WDR25: variants seen among roughly 807,000 people sequenced by gnomAD.
WDR25 encodes the protein WD repeat-containing protein 25.
In WDR25, 35 loss-of-function variants were observed where a neutral mutation model predicts 47.7. The observed-to-expected ratio is 0.73, with a 90% CI of 0.56 to 0.97. The LOEUF (loss-of-function observed/expected upper bound fraction) is 0.97. WDR25 is among the 50% of genes least tolerant of loss of function. The pLI is 0.00. For missense variants in WDR25, 634 were observed against 704.7 expected (o/e 0.90, Z 1.14); for synonymous variants, 248 against 278.9 (o/e 0.89, Z 1.10).
At chr14:100,447,887 A>G (rs1898889531) in intron 2 of WDR25, among the ~76,000 whole-genome samples, 1 of 152,124 alleles carries the variant, frequency 6.6e-6, no homozygotes. Context: ...GAAAGTGATG[A>G]GTAACTGCAC....
intron 2 of WDR25, among the ~76,000 whole-genome samples, chr14:100,460,139 G>A (rs1401483517): frequency 9.0e-5 from 13 of 144,164 alleles, no homozygotes; most frequent in Non-Finnish European, 1.8e-4. Context: ...TTGAGACGGA[G>A]TCTCGCTCTG....
intron 4 of WDR25, among the ~76,000 whole-genome samples, chr14:100,505,624 T>C (rs894851410): frequency 1.3e-5 from 2 of 152,232 alleles, no homozygotes; most frequent in Non-Finnish European, 2.9e-5. Context: ...TACAAAGATA[T>C]CTATTGGGTC....
Position 100,440,733 on chromosome 14 carries a change from T to C in WDR25, c.823-27288T>C, listed in dbSNP as rs986186728. On this transcript the variant is annotated intron_variant, in intron 2 of 6. Transcript: ENST00000402312. This position sits in a 1 kb window ranked among gnomAD's most constrained non-coding sequence, Gnocchi z 4.4. ...GCAGCAATTCTCAGGTCAGGATTAT[T>C]TGGGAGATCCATATTACTTCTGATT... Among the ~76,000 whole-genome samples the C allele has an allele frequency of 6.6e-6, 1 of 152,226 alleles. No individual in the cohort carries two copies. Among genetic ancestry groups the C allele is most frequent in the Non-Finnish European group, 1.5e-5 (1 of 68,030 alleles).
In WDR25 at chr14:100,484,172, C is replaced by T. The variant is rs575353076; in HGVS notation, c.1101+48C>T. 1.8e-4 allele frequency: 283 copies of T among 1,569,700 alleles called. 2 individuals carry two copies. The highest frequency in any genetic ancestry group is 1.6e-3 in the South Asian group (130 of 83,630). ...GGCCTTTCCACAGGAGAGCTTGTTT[C>T]GACAATTTGAATAATTGGGGGCAGG... is the stretch of plus-strand genomic sequence containing the variant. On this transcript the variant is annotated intron_variant, in intron 4 of 6. Coordinates refer to ENST00000402312, the MANE Select transcript of WDR25 (RefSeq NM_001161476.3).
intron 2 of WDR25, among the ~76,000 whole-genome samples, chr14:100,423,189 A>G (rs1898075265): frequency 6.6e-6 from 1 of 152,214 alleles, no homozygotes; most frequent in African/African-American, 2.4e-5. Flanking sequence ...AATTGTGCCA[A>G]TATGTGTCTC....
At chr14:100,509,970 A>G (rs1206208394) in intron 4 of WDR25, among the ~76,000 whole-genome samples, 1 of 149,952 alleles carries the variant, frequency 6.7e-6, no homozygotes, top group Admixed American at 6.6e-5. Context: ...TTTTTTTTTA[A>G]TTAAAAAAAT....
At chr14:100,436,324 T>C (rs1898498684) in intron 2 of WDR25, among the ~76,000 whole-genome samples, 1 of 152,190 alleles carries the variant, frequency 6.6e-6, no homozygotes, top group Non-Finnish European at 1.5e-5. Flanking sequence ...CACCACAGAC[T>C]GTGTGTGCTT....
intron 4 of WDR25, among the ~76,000 whole-genome samples, chr14:100,517,026 G>T (rs1239419638): frequency 6.7e-6 from 1 of 150,012 alleles, no homozygotes; most frequent in Non-Finnish European, 1.5e-5. Context: ...GACCTTCTGG[G>T]CTCAAGCAGT....
In WDR25 at chr14:100,529,463, A is replaced by G. The variant is rs2030368933; in HGVS notation, c.1413+255A>G. 8.2e-6 allele frequency: 5 copies of G among 607,960 alleles called. No individual in the cohort carries two copies. In the Admixed American group the frequency reaches 1.5e-4, roughly 18 times the overall value. 37.7% of individuals were successfully genotyped at this position (607,960 alleles called of 1,614,324 possible). On this transcript the variant is annotated intron_variant, in intron 6 of 6. Coordinates refer to ENST00000402312, the MANE Select transcript of WDR25 (RefSeq NM_001161476.3). The surrounding 1 kb of genome is among the most constrained non-coding windows in gnomAD (Gnocchi z 5.1). ...CAGACAGGTCTCAGAAGTGGGGGGC[A>G]GGAACAGGACAAAATGGTCATGGGT...
chr14:100,419,413 A>G (rs1003497420), intron 2 of WDR25, among the ~76,000 whole-genome samples: 2 of 152,098 alleles, frequency 1.3e-5, no homozygotes, highest in African/African-American at 2.4e-5. Context: ...AAAACAGAAA[A>G]GGCTATTTCA....
rs1004024005 is a variant in WDR25 at position 100,424,516 on chromosome 14, G to A, written c.822+42770G>A. On this transcript the variant is annotated intron_variant, in intron 2 of 6. Coordinates refer to ENST00000402312, the MANE Select transcript of WDR25 (RefSeq NM_001161476.3). This position sits in a 1 kb window ranked among gnomAD's most constrained non-coding sequence, Gnocchi z 4.2. ...AAAATGGCATGAGATTGGGACCTGG[G>A]AGCAGGCCCCACACCAGGTGTGACA... 2.6e-5 allele frequency among the ~76,000 whole-genome samples: 4 copies of A among 152,204 alleles called. No homozygotes were observed. The highest frequency in any genetic ancestry group is 9.6e-5 in the African/African-American group (4 of 41,456).
At chr14:100,483,076 T>C (rs1900260597) in intron 3 of WDR25, among the ~76,000 whole-genome samples, 1 of 152,134 alleles carries the variant, frequency 6.6e-6, no homozygotes, top group East Asian at 1.9e-4. Flanking sequence ...CCAAGGCCAG[T>C]CTGCCTTCTT....
chr14:100,528,517 C>T (rs936142583), intron 5 of WDR25, among the ~76,000 whole-genome samples: 6 of 151,696 alleles, frequency 4.0e-5, no homozygotes, highest in African/African-American at 1.5e-4. Flanking sequence ...GAGATCCGCC[C>T]GCCTCAGCAT....
Position 100,392,632 on chromosome 14 carries a change from C to G in WDR25, c.822+10886C>G, listed in dbSNP as rs76815493. On this transcript the variant is annotated intron_variant, in intron 2 of 6. Transcript: ENST00000402312. This position sits in a 1 kb window ranked among gnomAD's most constrained non-coding sequence, Gnocchi z 4.2. ...CGTGCAGCTCTGCAGCCTGTCTTTC[C>G]ATTTAACATTCTCTCCCAGCCCTGC... Among the ~76,000 whole-genome samples the G allele has an allele frequency of 1.3e-3, 205 of 152,192 alleles. No homozygotes were observed. The highest frequency in any genetic ancestry group is 4.8e-3 in the African/African-American group (200 of 41,512).
At chr14:100,431,010 G>A (rs1353080261) in intron 2 of WDR25, among the ~76,000 whole-genome samples, 1 of 152,158 alleles carries the variant, frequency 6.6e-6, no homozygotes, top group African/African-American at 2.4e-5. Flanking sequence ...TGAGTGAGTC[G>A]ATGGAAGGAC....
chr14:100,515,913 C>T (rs996590032), intron 4 of WDR25, among the ~76,000 whole-genome samples: 3 of 150,320 alleles, frequency 2.0e-5, no homozygotes, highest in Non-Finnish European at 3.0e-5. Flanking sequence ...TCCGGTATTA[C>T]AGATGTGAGC....
intron 2 of WDR25, among the ~76,000 whole-genome samples, chr14:100,398,721 C>G (rs541503915): frequency 1.4e-5 from 2 of 146,574 alleles, no homozygotes; most frequent in East Asian, 4.0e-4. Context: ...TCTAGGATGC[C>G]ATATTGCATT....
chr14:100,483,765 G>T (rs903594158), intron 3 of WDR25, among the ~76,000 whole-genome samples: 1 of 152,158 alleles, frequency 6.6e-6, no homozygotes, highest in Non-Finnish European at 1.5e-5. Context: ...CTCAGCCCAG[G>T]GGGAGGGGAT....
At chr14:100,517,951 C>G (rs1284851361) in intron 4 of WDR25, among the ~76,000 whole-genome samples, 1 of 152,212 alleles carries the variant, frequency 6.6e-6, no homozygotes, top group Non-Finnish European at 1.5e-5. Context: ...CATCTACATA[C>G]ATTGAAGATC....
Sources: gnomAD v4.1 joint callset for allele counts (sites outside exome capture counted in the v4.1 genomes callset) on GRCh38, gnomAD v4.1.1 for gene constraint, Gnocchi (gnomAD v3.1) non-coding constraint, MANE v1.5 for transcripts, NCBI Gene and HGNC (gene_info 2026-07-23, HGNC 2026-07-21) for gene names.